Variants in UNC13B observed in about 807,000 individuals in gnomAD.
UNC13B encodes the protein unc-13 homolog B, also known as protein unc-13 homolog B.
Under a neutral mutation model 211.0 loss-of-function variants are expected in UNC13B, and 144 were observed. That is an observed-to-expected ratio of 0.68 (90% confidence interval 0.60 to 0.78). The LOEUF (loss-of-function observed/expected upper bound fraction) is 0.78. Ranked by LOEUF, UNC13B falls within the 30% of genes least tolerant of loss-of-function variation. UNC13B has a pLI of 0.00. For synonymous variants in UNC13B, 709 were observed against 725.8 expected (o/e 0.98, Z 0.37); for missense variants, 1,777 against 2,002.0 (o/e 0.89, Z 2.14).
intron 1 of UNC13B, among the ~76,000 whole-genome samples, chr9:35,162,686 T>C (rs1226929374): frequency 6.6e-6 from 1 of 152,150 alleles, no homozygotes; most frequent in Non-Finnish European, 1.5e-5. Context: ...AACGCTACAG[T>C]ATGCTTAGTA....
In UNC13B at chr9:35,301,298, C is replaced by G; in HGVS notation, c.1894C>G (p.Gln632Glu). 2.5e-6 allele frequency: 1 copy of G among 398,572 alleles called. No homozygotes were observed. The highest frequency in any genetic ancestry group is 4.4e-5 in the Admixed American group (1 of 22,700). The allele number at this position is 398,572 out of a possible 1,614,324, so 24.7% of individuals were successfully genotyped here. Residue 632 changes from glutamine to glutamate, a missense_variant, in exon 9 of 40, where the codon CAG (glutamine) becomes GAG (glutamate). Gln to Glu is a conservative substitution (Grantham distance 29). Transcript: ENST00000635942. ...TAATAAAACTGGGAGTTTATACTTT[C>G]AGAATACAACAGAAAGTATTGCAAA... ...MGNKTGSLYF[Q>E]NTTESIAKDL...
At chr9:35,350,651 A>G (rs1295491169) in intron 11 of UNC13B, among the ~76,000 whole-genome samples, 3 of 152,180 alleles carry the variant, frequency 2.0e-5, no homozygotes, top group Non-Finnish European at 4.4e-5. Context: ...AATGCCACCT[A>G]CGTCTGGACA....
chr9:35,331,212 G>A lies in UNC13B; in HGVS notation c.9414+17223G>A, dbSNP rs981049570. 2.0e-4 allele frequency among the ~76,000 whole-genome samples: 30 copies of A among 152,112 alleles called. 1 individual carries two copies. Among genetic ancestry groups the A allele is most frequent in the African/African-American group, 6.0e-4 (25 of 41,418 alleles). Reference sequence around the variant, plus strand: ...AGTTATCCAAAATGAAGCAACTTAAGTAATTATTCAGGGTTTTTTGTTTTG... The same window carrying A: ...AGTTATCCAAAATGAAGCAACTTAAATAATTATTCAGGGTTTTTTGTTTTG... On this transcript the variant is annotated intron_variant, in intron 11 of 39. Coordinates refer to ENST00000635942, the MANE Select transcript of UNC13B (RefSeq NM_001371189.2).
chr9:35,313,879 T>C lies in UNC13B; in HGVS notation c.9324-20T>C. 1 of 1,597,126 alleles carries C rather than the reference T, an allele frequency of 6.3e-7. No homozygotes were observed. Among genetic ancestry groups the C allele is most frequent in the Non-Finnish European group, 8.6e-7 (1 of 1,164,652 alleles). ...TGGCCTTGGCTATTTTTAAGAAATG[T>C]ACTTTTTCTCTGTTACAAGTTTTCC... On this transcript the variant is annotated intron_variant, in intron 10 of 39. Coordinates refer to ENST00000635942, the MANE Select transcript of UNC13B (RefSeq NM_001371189.2).
At chr9:35,235,743 TGTAAA>T (rs1396658493) in intron 3 of UNC13B, among the ~76,000 whole-genome samples, 1 of 152,224 alleles carries the variant, frequency 6.6e-6, no homozygotes. Flanking sequence ...TGATAAATCT[TGTAAA>T]GTAGACTTAC....
intron 5 of UNC13B, among the ~76,000 whole-genome samples, chr9:35,241,227 G>A (rs1349215996): frequency 6.6e-6 from 1 of 152,116 alleles, no homozygotes; most frequent in Non-Finnish European, 1.5e-5. Flanking sequence ...AACTATGGCA[G>A]AGAGTATTTA....
chr9:35,304,244 T>C lies in UNC13B; in HGVS notation c.4840T>C (p.Leu1614=). 2.5e-6 allele frequency: 1 copy of C among 398,798 alleles called. No individual in the cohort carries two copies. Among genetic ancestry groups the C allele is most frequent in the Admixed American group, 4.4e-5 (1 of 22,706 alleles). The allele number at this position is 398,798 out of a possible 1,614,324, so 24.7% of individuals were successfully genotyped here. A position where few individuals can be genotyped will look rare whatever the true frequency, so the allele number is the denominator to read the frequency against. ...EPIDDPLDLS[L]ALPRSEEPLY... ...AATTGATGACCCTCTTGATTTATCT[T>C]TAGCTTTGCCAAGAAGTGAGGAACC... Residue 1614 remains leucine (L), a synonymous_variant, in exon 9 of 40, where the codon TTA becomes CTA. Coordinates refer to ENST00000635942, the MANE Select transcript of UNC13B (RefSeq NM_001371189.2).
At chr9:35,317,939 A>G (rs1216539020) in intron 11 of UNC13B, among the ~76,000 whole-genome samples, 1 of 152,316 alleles carries the variant, frequency 6.6e-6, no homozygotes, top group Non-Finnish European at 1.5e-5. Flanking sequence ...AATTCTTCCT[A>G]TAAAGCAAAG....
At chr9:35,262,255 CTTCCT>C (rs1164997548) in intron 7 of UNC13B, among the ~76,000 whole-genome samples, 4 of 149,802 alleles carry the variant, frequency 2.7e-5, no homozygotes, top group African/African-American at 4.9e-5. Flanking sequence ...TTTCCTTTCC[CTTCCT>C]TTCCTTTCCT....
chr9:35,272,614 G>T, intron 7 of UNC13B, among the ~76,000 whole-genome samples: 1 of 152,078 alleles, frequency 6.6e-6, no homozygotes, highest in South Asian at 2.1e-4. Context: ...CAAAGAACAT[G>T]CATTTGTTTT....
intron 11 of UNC13B, among the ~76,000 whole-genome samples, chr9:35,355,535 T>C (rs1263783742): frequency 6.6e-6 from 1 of 152,228 alleles, no homozygotes; most frequent in African/African-American, 2.4e-5. Flanking sequence ...TTTCCAGGCT[T>C]ATCTCCCATT....
rs1587578272 is a variant in UNC13B, at chr9:35,303,507, A to T, written c.4103A>T (p.Asn1368Ile). Residue 1368 changes from asparagine to isoleucine, a missense_variant, in exon 9 of 40, where the codon AAT becomes ATT. Asn to Ile is a moderately radical substitution (Grantham distance 149, BLOSUM62 -3). Transcript: ENST00000635942. ...WDSDIKDLSK[N>I]SRKLQPVYYM... ...TCTGACATAAAAGATTTGTCTAAAA[A>T]TTCCAGAAAACTTCAGCCAGTTTAT... 2 of 398,694 alleles carry T rather than the reference A, an allele frequency of 5.0e-6. No homozygotes were observed. The highest frequency in any genetic ancestry group is 8.9e-6 in the Non-Finnish European group (2 of 225,862). The allele number at this position is 398,694 out of a possible 1,614,324, so 24.7% of individuals were successfully genotyped here.
chr9:35,380,367 G>A, intron 17 of UNC13B, 103 bp from the exon 18 acceptor site: 1 of 1,257,958 alleles, frequency 7.9e-7, no homozygotes, highest in Non-Finnish European at 1.1e-6. Context: ...CCTCTTTCAG[G>A]GCCTCAAGTG....
intron 1 of UNC13B, among the ~76,000 whole-genome samples, chr9:35,174,901 G>A (rs1821538770): frequency 6.6e-6 from 1 of 150,710 alleles, no homozygotes; most frequent in African/African-American, 2.4e-5. Flanking sequence ...TTGAACTCCT[G>A]ACCTTAGGTG....
chr9:35,370,058 T>C (rs1834017204), intron 12 of UNC13B, among the ~76,000 whole-genome samples: 2 of 152,218 alleles, frequency 1.3e-5, no homozygotes, highest in African/African-American at 4.8e-5. Context: ...CCTTGAACTA[T>C]CACTGGGATA....
At chr9:35,251,709 TA>T (rs1477466782) in intron 6 of UNC13B, among the ~76,000 whole-genome samples, 1 of 152,192 alleles carries the variant, frequency 6.6e-6, no homozygotes, top group Non-Finnish European at 1.5e-5. Flanking sequence ...CTGAACTTAA[TA>T]ATTTCTTAGT....
At chr9:35,323,354 T>G (rs921291383) in intron 11 of UNC13B, among the ~76,000 whole-genome samples, 3 of 152,234 alleles carry the variant, frequency 2.0e-5, no homozygotes, top group Non-Finnish European at 4.4e-5. Context: ...TGTTATAATT[T>G]ATATACTCTG....
intron 7 of UNC13B, among the ~76,000 whole-genome samples, chr9:35,286,226 C>CTTTTTTTTTTT (rs777657602): frequency 8.5e-6 from 1 of 117,662 alleles, no homozygotes; most frequent in African/African-American, 3.1e-5. Flanking sequence ...AAGCTTGGAA[C>CTTTTTTTTTTT]TTTTTTTTTT....
intron 11 of UNC13B, among the ~76,000 whole-genome samples, chr9:35,362,905 A>G (rs1833524038): frequency 6.6e-6 from 1 of 152,128 alleles, no homozygotes; most frequent in African/African-American, 2.4e-5. Context: ...AGAAGGATGA[A>G]TGTAACTTAG....
Sources: allele counts gnomAD v4.1 joint callset (sites outside exome capture counted in the v4.1 genomes callset), GRCh38; gene constraint gnomAD v4.1.1; transcripts MANE v1.5; gene names NCBI Gene and HGNC (gene_info 2026-07-23, HGNC 2026-07-21).